Variants in GOLGA3 observed in about 807,000 individuals in gnomAD.
GOLGA3 encodes the protein golgin subfamily A member 3.
Under a neutral mutation model 169.4 loss-of-function variants are expected in GOLGA3, and 75 were observed. The observed-to-expected ratio is 0.44, with a 90% CI of 0.37 to 0.54. The LOEUF (loss-of-function observed/expected upper bound fraction) is 0.54. Ranked by LOEUF, GOLGA3 falls within the 20% of genes least tolerant of loss-of-function variation. GOLGA3 has a pLI of 0.00. For missense variants in GOLGA3, 1,899 were observed against 1,930.0 expected, an observed-to-expected ratio of 0.98 and a Z score of 0.30; for synonymous variants, 824 against 822.4, an observed-to-expected ratio of 1.00 and a Z score of -0.03.
In GOLGA3 at chr12:132,789,204, C is replaced by T. The variant is rs751394340; in HGVS notation, c.2634G>A (p.Ser878=). ...ELKATRKRLD[S]ELKELRQELM... ...GCTCCTGCCGCAGCTCCTTCAGCTCCGAGTCCAGCCTCTTCCTGGTGGCTT... is the reference window on the plus strand; with the variant it reads ...GCTCCTGCCGCAGCTCCTTCAGCTCTGAGTCCAGCCTCTTCCTGGTGGCTT... Residue 878 remains serine (S), a synonymous_variant, in exon 13 of 24, where the codon TCG becomes TCA. Coordinates refer to ENST00000450791, the MANE Select transcript of GOLGA3 (RefSeq NM_001389683.1). The T allele has an allele frequency of 1.8e-5, 29 of 1,610,818 alleles. No homozygotes were observed. In the East Asian group the frequency reaches 3.1e-4, roughly 17 times the overall value.
In GOLGA3 at chr12:132,777,018, G is replaced by T. The variant is rs1470556659; in HGVS notation, c.3795C>A (p.Leu1265=). ...QAELAEARAQ[L]QLLQKQLDEQ... ...CGTCCAGCTGCTTCTGCAGGAGCTG[G>T]AGCTGTGCCCGGGCCTCGGCCAGCT... Residue 1265 remains leucine, a synonymous_variant, in exon 20 of 24, where the codon CTC becomes CTA. Coordinates refer to ENST00000450791, the MANE Select transcript of GOLGA3 (RefSeq NM_001389683.1). This position sits in a 1 kb window ranked among gnomAD's most constrained non-coding sequence, Gnocchi z 4.7. The T allele has an allele frequency of 6.2e-7, 1 of 1,612,008 alleles. No individual in the cohort carries two copies. The highest frequency in any genetic ancestry group is 1.7e-5 in the Admixed American group (1 of 59,444).
chr12:132,798,154 G>GC (rs1224928024), intron 9 of GOLGA3, among the ~76,000 whole-genome samples, 186 bp downstream of exon 9: 1 of 102,908 alleles, frequency 9.7e-6, no homozygotes, highest in African/African-American at 3.7e-5. Context: ...TCCATGCTAA[G>GC]CCCCCACAGG....
chr12:132,786,755 C>T lies in GOLGA3; in HGVS notation c.2844G>A (p.Ala948=), dbSNP rs369331427. The T allele has an allele frequency of 1.7e-5, 27 of 1,613,332 alleles. No homozygotes were observed. The highest frequency in any genetic ancestry group is 6.7e-5 in the Admixed American group (4 of 59,948). Residue 948 remains alanine, a synonymous_variant, in exon 14 of 24, where the codon GCG becomes GCA. Transcript: ENST00000450791. The stretch of plus-strand genomic sequence containing the variant: ...TCAGCGCCTCATTGGCCTCTGTGAC[C>T]GCGACCATCTGCTCCTTATCGAACT... The part of the protein sequence containing the change: ...SLQFDKEQMV[A]VTEANEALKK...
intron 21 of GOLGA3, among the ~76,000 whole-genome samples, 185 bp from the exon 22 acceptor site, chr12:132,775,490 C>T (rs988278109): frequency 6.6e-6 from 1 of 152,186 alleles, no homozygotes; most frequent in Non-Finnish European, 1.5e-5. Context: ...TGAATATTTG[C>T]GTTACAACTA....
At position 132,781,545 on chromosome 12, in the gene GOLGA3, G is replaced by A. The variant is rs558753505; in HGVS notation, c.3466-631C>T. 1.4e-4 allele frequency among the ~76,000 whole-genome samples: 21 copies of A among 152,220 alleles called. No homozygotes were observed. In the Middle Eastern group the frequency reaches 0.01, roughly 74 times the overall value. ...AGCCTGAGAGACAGAGTGAGACTCC[G>A]TATTACTAACAACAACAACAACAAA... On this transcript the variant is annotated intron_variant, in intron 17 of 23. Coordinates refer to ENST00000450791, the MANE Select transcript of GOLGA3 (RefSeq NM_001389683.1).
intron 1 of GOLGA3, among the ~76,000 whole-genome samples, chr12:132,825,342 G>C (rs528674802): frequency 6.6e-6 from 1 of 152,260 alleles, no homozygotes; most frequent in East Asian, 1.9e-4. Context: ...ACCACAGCAC[G>C]TCATGTCTGC....
At position 132,816,712 on chromosome 12, in the gene GOLGA3, A is replaced by G. The variant is rs893884871; in HGVS notation, c.234T>C (p.Pro78=). The G allele has an allele frequency of 6.2e-7, 1 of 1,613,968 alleles. No homozygotes were observed. Among genetic ancestry groups the G allele is most frequent in the African/African-American group, 1.3e-5 (1 of 74,910 alleles). The change falls in exon 3 of 24, where the codon CCT becomes CCC. Residue 78 remains proline (P), a synonymous_variant. Transcript: ENST00000450791. The part of the protein sequence containing the change: ...QNGPTPPFPD[P]PSSLDPTTSP... ...TTGTGGTGGGATCGAGAGACGACGG[A>G]GGGTCTGGGAAGGGTGGCGTTGGCC... is the stretch of plus-strand genomic sequence containing the variant.
rs897195125 is a variant in GOLGA3, at chr12:132,813,402, G to C, written c.424C>G (p.Leu142Val). 3 of 1,609,452 alleles carry C rather than the reference G, an allele frequency of 1.9e-6. No individual in the cohort carries two copies. The highest frequency in any genetic ancestry group is 2.5e-6 in the Non-Finnish European group (3 of 1,177,014). ...ETQLCSTDSP[L>V]PLEKEEQVRL... is the part of the protein sequence containing the mutation. ...ACCTGCTCCTCCTTCTCCAGGGGCAGGGGAGAATCTGTAGAGCCTGCAGTG... is the reference window on the plus strand; with the variant it reads ...ACCTGCTCCTCCTTCTCCAGGGGCACGGGAGAATCTGTAGAGCCTGCAGTG... The change falls in exon 4 of 24, where the codon CTG becomes GTG. Residue 142 changes from leucine to valine, a missense_variant. Physicochemically the swap from Leu to Val is conservative, Grantham distance 32. Coordinates refer to ENST00000450791, the MANE Select transcript of GOLGA3 (RefSeq NM_001389683.1).
rs2044919650 is a variant in GOLGA3 at position 132,772,049 on chromosome 12, A to G, written c.*1056T>C. The stretch of plus-strand genomic sequence containing the variant: ...AGACCAGCAGGAAGGAAAGATCCTC[A>G]GCAACAAAGTAAAACCAGAACAACA... On this transcript the variant is annotated 3_prime_UTR_variant, in exon 24 of 24. Coordinates refer to ENST00000450791, the MANE Select transcript of GOLGA3 (RefSeq NM_001389683.1). 6.6e-6 allele frequency: 1 copy of G among 152,296 alleles called. No homozygotes were observed. The highest frequency in any genetic ancestry group is 2.4e-5 in the African/African-American group (1 of 41,480). The allele number at this position is 152,296 out of a possible 1,614,324, so 9.4% of individuals were successfully genotyped here.
At chr12:132,821,749 G>A (rs1950224338) in intron 2 of GOLGA3, among the ~76,000 whole-genome samples, 3 of 149,074 alleles carry the variant, frequency 2.0e-5, no homozygotes, top group African/African-American at 7.3e-5. Flanking sequence ...AGCTACTCAG[G>A]AGGCTGGGGC....
intron 3 of GOLGA3, among the ~76,000 whole-genome samples, chr12:132,815,173 A>G (rs986273449): frequency 6.6e-6 from 1 of 152,252 alleles, no homozygotes; most frequent in Non-Finnish European, 1.5e-5. Flanking sequence ...TCCTTTTCAC[A>G]TGGCAAAGTG....
chr12:132,775,337 T>G, intron 21 of GOLGA3, 32 bp from the exon 22 acceptor site: 1 of 1,573,248 alleles, frequency 6.4e-7, no homozygotes, highest in Non-Finnish European at 8.7e-7. Flanking sequence ...TTTTAAAAGC[T>G]AACAGATCTT....
At chr12:132,792,269 C>CA (rs1948566912) in intron 11 of GOLGA3, among the ~76,000 whole-genome samples, 1 of 152,166 alleles carries the variant, frequency 6.6e-6, no homozygotes, top group Non-Finnish European at 1.5e-5. Flanking sequence ...GGGATGAGGC[C>CA]AGGGGACACT....
chr12:132,769,148 G>A lies in GOLGA3; in HGVS notation c.*3957C>T, dbSNP rs903021093. The stretch of plus-strand genomic sequence containing the variant: ...TAACACATTTCCCTCCGGATCCTGT[G>A]AGAGCCTGAGATCACTTATGACGAG... On this transcript the variant is annotated 3_prime_UTR_variant, in exon 24 of 24. Coordinates refer to ENST00000450791, the MANE Select transcript of GOLGA3 (RefSeq NM_001389683.1). 6 of 152,224 alleles carry A rather than the reference G, an allele frequency of 3.9e-5. No homozygotes were observed. Among genetic ancestry groups the A allele is most frequent in the African/African-American group, 1.4e-4 (6 of 41,466 alleles). The allele number at this position is 152,224 out of a possible 1,614,324, so 9.4% of individuals were successfully genotyped here. A position where few individuals can be genotyped will look rare whatever the true frequency, so the allele number is the denominator to read the frequency against.
intron 3 of GOLGA3, 115 bp downstream of exon 3, chr12:132,816,425 C>T: frequency 9.3e-7 from 1 of 1,072,900 alleles, no homozygotes; most frequent in Non-Finnish European, 1.4e-6. Context: ...TCAGATGGCA[C>T]ACGGCAGGCA....
intron 3 of GOLGA3, among the ~76,000 whole-genome samples, chr12:132,813,874 GCCA>G (rs2136678045): frequency 6.6e-6 from 1 of 151,698 alleles, no homozygotes; most frequent in African/African-American, 2.4e-5. Context: ...ACAGGCGCCC[GCCA>G]CCACGCCTGG....
At position 132,777,080 on chromosome 12, in the gene GOLGA3, C is replaced by A; in HGVS notation, c.3733G>T (p.Gly1245Trp). 6.3e-7 allele frequency: 1 copy of A among 1,588,246 alleles called. No homozygotes were observed. The highest frequency in any genetic ancestry group is 8.6e-7 in the Non-Finnish European group (1 of 1,169,488). Residue 1245 changes from glycine to tryptophan, a missense_variant, in exon 20 of 24, where the codon GGG (glycine) becomes TGG (tryptophan). Physicochemically the swap from Gly to Trp is radical, Grantham distance 184. Transcript: ENST00000450791. The surrounding 1 kb of genome is among the most constrained non-coding windows in gnomAD (Gnocchi z 4.7). ...AEADDLQIREGKHSQEIAQFQ... is the reference protein window; with the variant it reads ...AEADDLQIREWKHSQEIAQFQ... ...TGTGCTATCTCCTGGGAATGTTTCC[C>A]CTCCCGAATCCTAGCGTAAAAAAAC...
intron 1 of GOLGA3, chr12:132,828,406 G>T (rs969584166): frequency 6.6e-6 from 1 of 152,438 alleles, no homozygotes; most frequent in Non-Finnish European, 1.5e-5. Flanking sequence ...AAACAAGGAA[G>T]TACACGGACT....
rs747702149 is a variant in GOLGA3 at position 132,780,817 on chromosome 12, A to ACCTTCT, written c.3557_3562dup (p.Glu1186_Lys1187dup). 5.0e-6 allele frequency: 8 copies of ACCTTCT among 1,609,082 alleles called. No homozygotes were observed. The highest frequency in any genetic ancestry group is 2.2e-5 in the South Asian group (2 of 91,028). ...ACGCACCTGCTCCTTGAGGCTGTTC[A>ACCTTCT]CCTTCTCCTTCTCCTTCTCTAGTGA... On this transcript the variant is annotated inframe_insertion, in exon 18 of 24. Coordinates refer to ENST00000450791, the MANE Select transcript of GOLGA3 (RefSeq NM_001389683.1).
Sources: allele counts gnomAD v4.1 joint callset (sites outside exome capture counted in the v4.1 genomes callset), GRCh38; gene constraint gnomAD v4.1.1; non-coding constraint Gnocchi (gnomAD v3.1); transcripts MANE v1.5; gene names NCBI Gene and HGNC (gene_info 2026-07-23, HGNC 2026-07-21).